Variants in SP1 observed in about 807,000 individuals in gnomAD.
SP1 encodes Sp1 transcription factor, also known as transcription factor Sp1.
SP1 carries 6 observed loss-of-function variants against 66.3 expected under a neutral mutation model. The ratio of observed to expected loss-of-function variants is 0.09; its 90% CI spans 0.05 to 0.18. SP1 has a LOEUF of 0.18. Among genes scored for constraint, SP1 ranks in the 10% least tolerant of loss-of-function variants. The pLI, the probability that SP1 is intolerant of heterozygous loss-of-function variation, is 1.00. For synonymous variants in SP1, 417 were observed against 360.8 expected (o/e 1.16, Z -1.77); for missense variants, 848 against 964.5 (o/e 0.88, Z 1.60).
At chr12:53,404,961 A>G (rs1938699182) in intron 3 of SP1, among the ~76,000 whole-genome samples, 1 of 152,048 alleles carries the variant, frequency 6.6e-6, no homozygotes, top group African/African-American at 2.4e-5. Flanking sequence ...AGCCTCCCGA[A>G]TAGCTAGGAT....
At chr12:53,405,650 A>G (rs1938715411) in intron 3 of SP1, among the ~76,000 whole-genome samples, 1 of 151,482 alleles carries the variant, frequency 6.6e-6, no homozygotes, top group Admixed American at 6.6e-5. Flanking sequence ...AGAGCCAGCG[A>G]GACTCTGTCT....
In SP1 at chr12:53,406,671, A is replaced by G. The variant is rs1348614938; in HGVS notation, c.1762A>G (p.Ser588Gly). Reference protein sequence around the residue: ...DTAGGEEGENSPDAQPQAGRR... With the variant: ...DTAGGEEGENGPDAQPQAGRR... ...AGCAGGTGGAGAGGAAGGAGAAAAC[A>G]GCCCAGATGCCCAACCCCAAGCCGG... The change falls in exon 4 of 6, where the codon AGC becomes GGC. Residue 588 changes from serine to glycine, a missense_variant. Coordinates refer to ENST00000327443, the MANE Select transcript of SP1 (RefSeq NM_138473.3). The G allele has an allele frequency of 6.2e-7, 1 of 1,614,038 alleles. No individual in the cohort carries two copies. The highest frequency in any genetic ancestry group is 8.5e-7 in the Non-Finnish European group (1 of 1,180,030).
At chr12:53,410,521 T>C (rs1410212639) in intron 5 of SP1, among the ~76,000 whole-genome samples, 1 of 151,942 alleles carries the variant, frequency 6.6e-6, no homozygotes, top group Non-Finnish European at 1.5e-5. Flanking sequence ...TTTTTGTTTT[T>C]TTTTTGAGAC....
In SP1 at chr12:53,413,356, A is replaced by G. The variant is rs1191500966; in HGVS notation, c.*2116A>G. Reference sequence around the variant, plus strand: ...AGCAGAGTCCTTATTCTTCTCATAAATCTTTTTACTTTGGCTACAAATAGA... The same window carrying G: ...AGCAGAGTCCTTATTCTTCTCATAAGTCTTTTTACTTTGGCTACAAATAGA... On this transcript the variant is annotated 3_prime_UTR_variant, in exon 6 of 6. Transcript: ENST00000327443. 9.8e-5 allele frequency: 15 copies of G among 152,308 alleles called. No homozygotes were observed. Among genetic ancestry groups the G allele is most frequent in the African/African-American group, 3.4e-4 (14 of 41,458 alleles). The allele number at this position is 152,308 out of a possible 1,614,324, so 9.4% of individuals were successfully genotyped here.
chr12:53,404,356 C>T (rs1245047831), intron 3 of SP1, among the ~76,000 whole-genome samples: 1 of 151,656 alleles, frequency 6.6e-6, no homozygotes, highest in Non-Finnish European at 1.5e-5. Flanking sequence ...ATGGTGAAAC[C>T]CCATCTCTAC....
At chr12:53,407,152 G>T (rs889037309) in intron 4 of SP1, among the ~76,000 whole-genome samples, 12 of 150,534 alleles carry the variant, frequency 8.0e-5, no homozygotes, top group African/African-American at 2.4e-4. Flanking sequence ...TAGGATTTAA[G>T]ACTCAGAGCT....
chr12:53,409,247 T>G, intron 4 of SP1, 115 bp from the exon 5 acceptor site: 1 of 843,804 alleles, frequency 1.2e-6, no homozygotes, highest in Non-Finnish European at 1.8e-6. Context: ...GAAGACTTTT[T>G]CAAAAAATAA....
rs1292683776 is a variant in SP1 at position 53,382,606 on chromosome 12, G to A, written c.659G>A (p.Ser220Asn). ...CAACAGATTATCACAAATCGAGGAA[G>A]TGGAGGCAACATCATTGCTGCTATG... ...ANQQIITNRG[S>N]GGNIIAAMPN... The change falls in exon 3 of 6, where the codon AGT becomes AAT. Residue 220 changes from serine (S) to asparagine (N), a missense_variant. Physicochemically the swap from Ser to Asn is conservative, Grantham distance 46. This residue lies in a region of SP1 where 606 missense variants were observed against 589.9 expected (regional missense o/e 1.03). Transcript: ENST00000327443. The A allele has an allele frequency of 2.5e-6, 4 of 1,614,186 alleles. No individual in the cohort carries two copies. The highest frequency in any genetic ancestry group is 3.3e-5 in the Admixed American group (2 of 60,014).
chr12:53,409,333 ATGAT>A, intron 4 of SP1, 25 bp from the exon 5 acceptor site: 2 of 1,589,932 alleles, frequency 1.3e-6, no homozygotes, highest in Non-Finnish European at 1.7e-6. Flanking sequence ...TCTAGAATGA[ATGAT>A]TAACAGTTGT....
chr12:53,393,684 G>A (rs996103734), intron 3 of SP1, among the ~76,000 whole-genome samples: 16 of 149,622 alleles, frequency 1.1e-4, no homozygotes, highest in East Asian at 8.0e-4. Context: ...TGCAACATCC[G>A]CCTCCTGGGT....
At chr12:53,384,538 G>A (rs1213101052) in intron 3 of SP1, among the ~76,000 whole-genome samples, 6 of 152,030 alleles carry the variant, frequency 3.9e-5, no homozygotes, top group African/African-American at 1.2e-4. Context: ...CACCTGCCTC[G>A]GCCTCCCAAA....
At chr12:53,380,946 CTTTTTTTTT>C (rs35296566) in intron 1 of SP1, among the ~76,000 whole-genome samples, 3 of 100,800 alleles carry the variant, frequency 3.0e-5, no homozygotes, top group East Asian at 2.7e-4. Context: ...TTTTGTTTGT[CTTTTTTTTT>C]TTTTTTTTTT....
chr12:53,406,732 A>T lies in SP1; in HGVS notation c.1823A>T (p.Tyr608Phe). ...CGGCGGGAAGCATGCACCTGCCCCTACTGTAAAGACAGTGAAGGAAGGTGA... is the reference window on the plus strand; with the variant it reads ...CGGCGGGAAGCATGCACCTGCCCCTTCTGTAAAGACAGTGAAGGAAGGTGA... ...RTRREACTCPYCKDSEGRGSG... is the reference protein window; with the variant it reads ...RTRREACTCPFCKDSEGRGSG... The change falls in exon 4 of 6, where the codon TAC (tyrosine) becomes TTC (phenylalanine). Residue 608 changes from tyrosine to phenylalanine, a missense_variant. By Grantham distance (22) the Tyr-to-Phe change is conservative. Coordinates refer to ENST00000327443, the MANE Select transcript of SP1 (RefSeq NM_138473.3). 6.2e-7 allele frequency: 1 copy of T among 1,613,776 alleles called. No individual in the cohort carries two copies. Among genetic ancestry groups the T allele is most frequent in the Non-Finnish European group, 8.5e-7 (1 of 1,179,946 alleles).
chr12:53,394,690 C>T (rs557297036), intron 3 of SP1, among the ~76,000 whole-genome samples: 50 of 140,034 alleles, frequency 3.6e-4, no homozygotes, highest in Non-Finnish European at 6.1e-4. Flanking sequence ...TCTTGGCTCA[C>T]TGCAAGCTCC....
intron 3 of SP1, among the ~76,000 whole-genome samples, chr12:53,386,792 C>CT (rs1315692637): frequency 6.6e-6 from 1 of 151,604 alleles, no homozygotes; most frequent in African/African-American, 2.4e-5. Context: ...CCCGGCCTGA[C>CT]TTTATCATTT....
intron 3 of SP1, among the ~76,000 whole-genome samples, chr12:53,406,246 T>G (rs1179299863): frequency 2.6e-5 from 4 of 151,934 alleles, no homozygotes; most frequent in Non-Finnish European, 5.9e-5. Context: ...ATTTTGTATT[T>G]TTAGTAGAGA....
intron 3 of SP1, among the ~76,000 whole-genome samples, chr12:53,404,529 T>C (rs982569015): frequency 6.9e-6 from 1 of 144,456 alleles, no homozygotes; most frequent in Non-Finnish European, 1.5e-5. Flanking sequence ...GCAACAAGAG[T>C]GTAACTCAGT....
chr12:53,387,822 A>G (rs1328661216), intron 3 of SP1, among the ~76,000 whole-genome samples: 1 of 152,038 alleles, frequency 6.6e-6, no homozygotes, highest in African/African-American at 2.4e-5. Flanking sequence ...CATCTCTACT[A>G]AAAATACAAA....
At chr12:53,393,373 T>C (rs1938400175) in intron 3 of SP1, among the ~76,000 whole-genome samples, 2 of 151,154 alleles carry the variant, frequency 1.3e-5, no homozygotes, top group Middle Eastern at 3.5e-3. Flanking sequence ...CAACCTCTGC[T>C]TCCCGGGTTC....
Sources: allele counts gnomAD v4.1 joint callset (sites outside exome capture counted in the v4.1 genomes callset), GRCh38; gene constraint gnomAD v4.1.1; regional missense constraint gnomAD v4.1.1; transcripts MANE v1.5; gene names NCBI Gene and HGNC (gene_info 2026-07-23, HGNC 2026-07-21).